Variants in PARP15 observed in about 807,000 individuals in gnomAD.
PARP15 encodes the protein protein mono-ADP-ribosyltransferase PARP15.
In PARP15, 50 loss-of-function variants were observed where a neutral mutation model predicts 62.1. That is an observed-to-expected ratio of 0.81 (90% confidence interval 0.64 to 1.02). PARP15 has a LOEUF of 1.02. Among genes scored for constraint, PARP15 ranks in the 50% least tolerant of loss-of-function variants. PARP15 has a pLI of 0.00. For synonymous variants in PARP15, 309 were observed against 293.1 expected, an observed-to-expected ratio of 1.05 and a Z score of -0.55; for missense variants, 820 against 826.5, an observed-to-expected ratio of 0.99 and a Z score of 0.10.
Position 122,627,145 on chromosome 3 carries a change from T to C in PARP15, c.1438+112T>C, listed in dbSNP as rs1472484968. The stretch of plus-strand genomic sequence containing the variant: ...AGTTTTCTATTCGTTTTAGGACTTT[T>C]CAGACAACTTCTTATGATCCATGGG... On this transcript the variant is annotated intron_variant, in intron 9 of 11. Coordinates refer to ENST00000464300, the MANE Select transcript of PARP15 (RefSeq NM_001113523.3). 1.5e-5 allele frequency: 13 copies of C among 892,020 alleles called. No homozygotes were observed. In the South Asian group the frequency reaches 1.6e-4, roughly 11 times the overall value. The allele number at this position is 892,020 out of a possible 1,614,324, so 55.3% of individuals were successfully genotyped here. A position where few individuals can be genotyped will look rare whatever the true frequency, so the allele number is the denominator to read the frequency against.
intron 2 of PARP15, among the ~76,000 whole-genome samples, chr3:122,606,989 T>C (rs1935199465): frequency 1.4e-5 from 2 of 147,924 alleles, no homozygotes; most frequent in South Asian, 4.2e-4. Context: ...GGCAGCCGGC[T>C]GCTTTCTTCA....
chr3:122,624,107 C>A (rs1230494633), intron 8 of PARP15, among the ~76,000 whole-genome samples: 2 of 151,024 alleles, frequency 1.3e-5, no homozygotes, highest in African/African-American at 4.9e-5. Context: ...GCTGAGATTG[C>A]ACCACTGCAC....
chr3:122,612,932 A>G (rs1935676948), intron 3 of PARP15, 109 bp from the exon 4 acceptor site: 1 of 947,644 alleles, frequency 1.1e-6, no homozygotes, highest in Non-Finnish European at 1.6e-6. Flanking sequence ...GGCCCTGACT[A>G]AGCCAACAAT....
Position 122,635,898 on chromosome 3 carries a change from G to A in PARP15, c.1835G>A (p.Arg612Lys), listed in dbSNP as rs1937335546. Reference sequence around the variant, plus strand: ...TACTCCAAGCCAGACAGCAATGGGAGAAAGCACATGTACGTTGTGCGAGTA... The same window carrying A: ...TACTCCAAGCCAGACAGCAATGGGAAAAAGCACATGTACGTTGTGCGAGTA... ...DTYSKPDSNGRKHMYVVRVLT... is the reference protein window; with the variant it reads ...DTYSKPDSNGKKHMYVVRVLT... Residue 612 changes from arginine (R) to lysine (K), a missense_variant, in exon 12 of 12, where the codon AGA becomes AAA. Physicochemically the swap from Arg to Lys is conservative, Grantham distance 26. Transcript: ENST00000464300. 1 of 1,614,006 alleles carries A rather than the reference G, an allele frequency of 6.2e-7. No homozygotes were observed. Among genetic ancestry groups the A allele is most frequent in the Non-Finnish European group, 8.5e-7 (1 of 1,180,004 alleles).
intron 4 of PARP15, chr3:122,615,441 G>A (rs1218681247): frequency 2.4e-6 from 3 of 1,259,822 alleles, no homozygotes; most frequent in Non-Finnish European, 3.1e-6. Flanking sequence ...CCTATTGGAT[G>A]TAGGAGATTA....
At chr3:122,615,977 G>T in intron 5 of PARP15, 120 bp downstream of exon 5, 2 of 972,684 alleles carry the variant, frequency 2.1e-6, no homozygotes, top group East Asian at 2.6e-5. Flanking sequence ...TCTGTGATGG[G>T]GGAGGTGTTA....
intron 9 of PARP15, among the ~76,000 whole-genome samples, chr3:122,630,221 G>A (rs1387643379): frequency 6.6e-6 from 1 of 152,186 alleles, no homozygotes; most frequent in Non-Finnish European, 1.5e-5. Flanking sequence ...GTGATGCTGG[G>A]TGAGTATTCC....
intron 1 of PARP15, among the ~76,000 whole-genome samples, chr3:122,594,271 G>C (rs981808874): frequency 3.9e-5 from 6 of 152,064 alleles, no homozygotes; most frequent in African/African-American, 1.4e-4. Flanking sequence ...CTGCATTCCA[G>C]CCTAGGCAAC....
At chr3:122,605,778 C>G (rs1935121054) in intron 1 of PARP15, among the ~76,000 whole-genome samples, 158 bp from the exon 2 acceptor site, 1 of 152,026 alleles carries the variant, frequency 6.6e-6, no homozygotes, top group Non-Finnish European at 1.5e-5. Context: ...GACAGGGTCT[C>G]AATATGTTGC....
chr3:122,635,259 C>A, intron 11 of PARP15, 65 bp downstream of exon 11: 1 of 1,475,060 alleles, frequency 6.8e-7, no homozygotes, highest in East Asian at 2.3e-5. Context: ...TTTTCATACC[C>A]AAGCAGTGTG....
rs1313230381 is a variant in PARP15, at chr3:122,579,995, A to ATATATG, written c.186+2145_186+2146insATGTAT. 9.8e-3 allele frequency among the ~76,000 whole-genome samples: 541 copies of ATATATG among 55,442 alleles called. 18 individuals are homozygous for ATATATG. Among genetic ancestry groups the ATATATG allele is most frequent in the African/African-American group, 0.028 (490 of 17,672 alleles). 36.4% of individuals were successfully genotyped at this position (55,442 alleles called of 152,430 possible). On this transcript the variant is annotated intron_variant, in intron 1 of 11. Transcript: ENST00000464300. Reference sequence around the variant, plus strand: ...CTCTGTCTGAACAACAACAGCAACTATATGTATATATATATATATATATAT... The same window carrying ATATATG: ...CTCTGTCTGAACAACAACAGCAACTATATATGTATGTATATATATATATATATATAT...
intron 1 of PARP15, among the ~76,000 whole-genome samples, chr3:122,587,229 G>T (rs2107809960): frequency 6.6e-6 from 1 of 152,266 alleles, no homozygotes; most frequent in Admixed American, 6.5e-5. Context: ...CCAAGCTTTG[G>T]CAATTATGAA....
At chr3:122,613,293 T>A in intron 4 of PARP15, 25 bp downstream of exon 4, 1 of 1,506,056 alleles carries the variant, frequency 6.6e-7, no homozygotes, top group Non-Finnish European at 9.0e-7. Context: ...CCCATCTGGT[T>A]AATTCTGGCA....
At chr3:122,628,335 G>A (rs1189466563) in intron 9 of PARP15, among the ~76,000 whole-genome samples, 1 of 152,154 alleles carries the variant, frequency 6.6e-6, no homozygotes, top group African/African-American at 2.4e-5. Context: ...TTCAGCTAGA[G>A]GGGGTCACCA....
At chr3:122,579,701 G>A (rs6438744) in intron 1 of PARP15, among the ~76,000 whole-genome samples, 56,408 of 151,702 alleles carry the variant, frequency 0.37, 10,922 homozygotes, top group Admixed American at 0.46. Flanking sequence ...ATTGAGGGCC[G>A]GTCGCGGTGG....
intron 8 of PARP15, among the ~76,000 whole-genome samples, chr3:122,624,870 T>C (rs1339091269): frequency 6.6e-6 from 1 of 152,190 alleles, no homozygotes; most frequent in Admixed American, 6.5e-5. Flanking sequence ...GATATGTAAA[T>C]TTCAAAACCT....
intron 1 of PARP15, among the ~76,000 whole-genome samples, chr3:122,604,504 G>C (rs1398158699): frequency 6.6e-6 from 1 of 152,026 alleles, no homozygotes; most frequent in South Asian, 2.1e-4. Flanking sequence ...GATCACTTGA[G>C]GTCAGGAGTT....
At chr3:122,625,834 G>C (rs1313050750) in intron 8 of PARP15, among the ~76,000 whole-genome samples, 3 of 152,156 alleles carry the variant, frequency 2.0e-5, no homozygotes. Context: ...CTTCAAGAGG[G>C]ATCAAATGAC....
chr3:122,632,751 C>T (rs552533314), intron 10 of PARP15, among the ~76,000 whole-genome samples: 4 of 152,328 alleles, frequency 2.6e-5, no homozygotes, highest in African/African-American at 7.2e-5. Flanking sequence ...CAACCATCTC[C>T]GTGTCTAGGG....
Sources: allele counts gnomAD v4.1 joint callset (sites outside exome capture counted in the v4.1 genomes callset), GRCh38; gene constraint gnomAD v4.1.1; transcripts MANE v1.5; gene names NCBI Gene and HGNC (gene_info 2026-07-23, HGNC 2026-07-21).